The following GRID1 variants were observed in gnomAD, a reference collection of about 807,000 sequenced individuals.
The protein encoded by GRID1 is glutamate ionotropic receptor delta type subunit 1, also known as glutamate receptor ionotropic, delta-1.
GRID1 carries 28 observed loss-of-function variants against 98.0 expected under a neutral mutation model. The ratio of observed to expected loss-of-function variants is 0.29; its 90% CI spans 0.21 to 0.39. The LOEUF (loss-of-function observed/expected upper bound fraction) is 0.39, where lower values mean the gene tolerates loss of function less well. Ranked by LOEUF, GRID1 falls within the 10% of genes least tolerant of loss-of-function variation. The pLI is 1.00. For missense variants in GRID1, 1,111 were observed against 1,340.5 expected (o/e 0.83, Z 2.67); for synonymous variants, 553 against 538.5 (o/e 1.03, Z -0.37).
intron 4 of GRID1, among the ~76,000 whole-genome samples, chr10:86,019,069 A>C (rs537429490): frequency 6.6e-6 from 1 of 152,224 alleles, no homozygotes; most frequent in Non-Finnish European, 1.5e-5. Flanking sequence ...CTTATAGGAC[A>C]AGATGGTGCC....
At chr10:86,291,511 G>A (rs191234558) in intron 2 of GRID1, among the ~76,000 whole-genome samples, 57 of 152,212 alleles carry the variant, frequency 3.7e-4, no homozygotes, top group African/African-American at 1.2e-3. Flanking sequence ...CTCAGCCCAG[G>A]GGCACAGCAC....
chr10:86,050,946 C>T (rs1190093994), intron 4 of GRID1, among the ~76,000 whole-genome samples: 1 of 149,320 alleles, frequency 6.7e-6, no homozygotes, highest in Non-Finnish European at 1.5e-5. Context: ...CTAATCAGAC[C>T]AAGTATTAAA....
At position 86,025,168 on chromosome 10, in the gene GRID1, C is replaced by T. The variant is rs182986986; in HGVS notation, c.727-108929G>A. 3.6e-3 allele frequency among the ~76,000 whole-genome samples: 549 copies of T among 152,282 alleles called. 3 individuals are homozygous for T. Among genetic ancestry groups the T allele is most frequent in the African/African-American group, 0.012 (515 of 41,546 alleles). Reference sequence around the variant, plus strand: ...ACAGAGGCTGGACTCAAATCCTGGCCCCCTCTCACCAGCTCTGTGACCCGG... The same window carrying T: ...ACAGAGGCTGGACTCAAATCCTGGCTCCCTCTCACCAGCTCTGTGACCCGG... On this transcript the variant is annotated intron_variant, in intron 4 of 15. Transcript: ENST00000327946.
At chr10:86,052,074 G>C (rs1486393463) in intron 4 of GRID1, among the ~76,000 whole-genome samples, 1 of 151,862 alleles carries the variant, frequency 6.6e-6, no homozygotes, top group East Asian at 1.9e-4. Flanking sequence ...AGTAGGTTAT[G>C]GCACATCTAC....
At chr10:86,085,017 CTTATG>C (rs1433491827) in intron 4 of GRID1, among the ~76,000 whole-genome samples, 3 of 152,140 alleles carry the variant, frequency 2.0e-5, no homozygotes, top group African/African-American at 2.4e-5. Flanking sequence ...CGTGGTAAAT[CTTATG>C]TTATGTATTT....
At chr10:85,612,368 T>A (rs1842743484) in intron 15 of GRID1, among the ~76,000 whole-genome samples, 1 of 152,196 alleles carries the variant, frequency 6.6e-6, no homozygotes, top group South Asian at 2.1e-4. Context: ...CCCAGTTTAT[T>A]TTTTGTGCCC....
At chr10:86,072,730 C>T (rs1206948219) in intron 4 of GRID1, among the ~76,000 whole-genome samples, 1 of 152,118 alleles carries the variant, frequency 6.6e-6, no homozygotes, top group Non-Finnish European at 1.5e-5. Context: ...CCACCCCTTT[C>T]CACGGTCTCA....
At chr10:85,817,919 C>T (rs1842730556) in intron 8 of GRID1, among the ~76,000 whole-genome samples, 1 of 151,998 alleles carries the variant, frequency 6.6e-6, no homozygotes, top group African/African-American at 2.4e-5. Context: ...CATTGTAGCA[C>T]AAATGAAAGG....
chr10:86,203,708 T>C (rs1355484922), intron 3 of GRID1, among the ~76,000 whole-genome samples: 2 of 151,774 alleles, frequency 1.3e-5, no homozygotes, highest in Non-Finnish European at 1.5e-5. Flanking sequence ...GACAGCGCCA[T>C]GAGCACACCA....
chr10:86,285,359 T>C (rs2607847), intron 2 of GRID1, among the ~76,000 whole-genome samples: 151,266 of 152,336 alleles, frequency 0.99, 75,104 homozygotes, highest in East Asian at 1. Flanking sequence ...TGAAGCCCTG[T>C]GGTGACATGC....
intron 4 of GRID1, among the ~76,000 whole-genome samples, chr10:86,006,159 A>G (rs962782419): frequency 2.6e-5 from 4 of 152,260 alleles, no homozygotes; most frequent in South Asian, 2.1e-4. Context: ...GATATTATTC[A>G]TAAGTAAAAA....
chr10:85,715,670 C>T (rs1022396084), intron 12 of GRID1, among the ~76,000 whole-genome samples: 1 of 152,116 alleles, frequency 6.6e-6, no homozygotes, highest in East Asian at 1.9e-4. Context: ...TATCACCTTA[C>T]ACCTGTTAGA....
intron 12 of GRID1, among the ~76,000 whole-genome samples, chr10:85,701,461 T>C (rs1265963133): frequency 6.6e-6 from 1 of 151,858 alleles, no homozygotes; most frequent in Non-Finnish European, 1.5e-5. Flanking sequence ...TGCTAGAAAA[T>C]GAAACTTTGT....
At chr10:85,777,611 A>C (rs981743634) in intron 8 of GRID1, among the ~76,000 whole-genome samples, 4 of 152,192 alleles carry the variant, frequency 2.6e-5, no homozygotes, top group Non-Finnish European at 4.4e-5. Flanking sequence ...AGAAATTACA[A>C]TCTAATGGAG....
At chr10:86,319,397 A>G (rs1014290633) in intron 2 of GRID1, among the ~76,000 whole-genome samples, 4 of 152,204 alleles carry the variant, frequency 2.6e-5, no homozygotes, top group Non-Finnish European at 1.5e-5. Context: ...GAGAGGGCCA[A>G]GGTCAGAGAG....
chr10:86,232,027 G>C (rs1846461426), intron 2 of GRID1, among the ~76,000 whole-genome samples: 1 of 152,080 alleles, frequency 6.6e-6, no homozygotes, highest in South Asian at 2.1e-4. Flanking sequence ...CAGAGACTGG[G>C]GTACCCTCTT....
At chr10:85,939,415 CACTAAGCTAAAATCAAGG>C (rs1841969136) in intron 4 of GRID1, among the ~76,000 whole-genome samples, 1 of 152,226 alleles carries the variant, frequency 6.6e-6, no homozygotes, top group South Asian at 2.1e-4. Context: ...GTAGATGTCT[CACTAAGCTAAAATCAAGG>C]TGTTGACAGG....
intron 12 of GRID1, among the ~76,000 whole-genome samples, chr10:85,676,654 G>A (rs1337766777): frequency 6.6e-6 from 1 of 152,172 alleles, no homozygotes; most frequent in African/African-American, 2.4e-5. Flanking sequence ...AAGGGAAGCT[G>A]GGAAGCCATG....
chr10:85,987,422 AC>A (rs1335788271), intron 4 of GRID1, among the ~76,000 whole-genome samples: 3 of 36,202 alleles, frequency 8.3e-5, no homozygotes, highest in East Asian at 9.7e-4. Flanking sequence ...CAACCTAATT[AC>A]CCCCCAGCTT....
Sources: allele counts gnomAD v4.1 joint callset (sites outside exome capture counted in the v4.1 genomes callset), GRCh38; gene constraint gnomAD v4.1.1; transcripts MANE v1.5; gene names NCBI Gene and HGNC (gene_info 2026-07-23, HGNC 2026-07-21).